Variants in ENPP5 observed in about 807,000 individuals in gnomAD.
ENPP5 encodes ectonucleotide pyrophosphatase/phosphodiesterase family member 5, also known as E-NPP 5.
A neutral mutation model predicts 33.7 loss-of-function variants in ENPP5; 27 were observed. The ratio of observed to expected loss-of-function variants is 0.80; its 90% confidence interval spans 0.59 to 1.11. ENPP5 has a LOEUF of 1.11. Ranked by LOEUF, ENPP5 falls within the 50% of genes least tolerant of loss-of-function variation. The probability of loss-of-function intolerance (pLI) is 0.00; values close to 1 mark genes in which losing one functional copy is unlikely to be tolerated. For synonymous variants in ENPP5, 199 were observed against 200.5 expected, an observed-to-expected ratio of 0.99 and a Z score of 0.06; for missense variants, 552 against 579.2, an observed-to-expected ratio of 0.95 and a Z score of 0.48.
At chr6:46,164,676 T>C (rs1764482593) in intron 4 of ENPP5, among the ~76,000 whole-genome samples, 1 of 151,242 alleles carries the variant, frequency 6.6e-6, no homozygotes, top group Non-Finnish European at 1.5e-5. Flanking sequence ...GCACAAGACA[T>C]AAAAATATGA....
chr6:46,170,568 A>G (rs1209582403), intron 1 of ENPP5, among the ~76,000 whole-genome samples: 1 of 151,862 alleles, frequency 6.6e-6, no homozygotes, highest in Non-Finnish European at 1.5e-5. Context: ...GTGCAGAAGG[A>G]GTAGGTTTGT....
chr6:46,166,116 C>T (rs919982972), intron 3 of ENPP5, among the ~76,000 whole-genome samples: 9 of 152,052 alleles, frequency 5.9e-5, no homozygotes, highest in Non-Finnish European at 8.8e-5. Flanking sequence ...TCTTCTGCAC[C>T]GCAACAAGAG....
At chr6:46,168,971 ATAAT>A (rs775036150) in intron 2 of ENPP5, among the ~76,000 whole-genome samples, 35 of 127,754 alleles carry the variant, frequency 2.7e-4, no homozygotes, top group Admixed American at 7.5e-4. Flanking sequence ...GTTGAACTAA[ATAAT>A]TAGATTCTAA....
In ENPP5 at chr6:46,160,109, C is replaced by G. The variant is rs1048151157; in HGVS notation, c.*1217G>C. The G allele has an allele frequency of 2.6e-5, 4 of 152,168 alleles. No homozygotes were observed. Among genetic ancestry groups the G allele is most frequent in the African/African-American group, 7.2e-5 (3 of 41,436 alleles). The allele number at this position is 152,168 out of a possible 1,614,324, so 9.4% of individuals were successfully genotyped here. A position where few individuals can be genotyped will look rare whatever the true frequency, so the allele number is the denominator to read the frequency against. On this transcript the variant is annotated 3_prime_UTR_variant, in exon 5 of 5. Transcript: ENST00000371383. ...GTGGGTATTCACATATTTCTTGAAACAGAGCTATATCATCTCGGCTCCCGT... is the reference window on the plus strand; with the variant it reads ...GTGGGTATTCACATATTTCTTGAAAGAGAGCTATATCATCTCGGCTCCCGT...
chr6:46,165,330 T>A, intron 4 of ENPP5, 57 bp downstream of exon 4: 1 of 1,305,900 alleles, frequency 7.7e-7, no homozygotes, highest in Non-Finnish European at 1.0e-6. Context: ...GTATTTAAAC[T>A]GTTGTATTTT....
At chr6:46,168,401 T>G in intron 2 of ENPP5, 104 bp from the exon 3 acceptor site, 1 of 511,238 alleles carries the variant, frequency 2.0e-6, no homozygotes, top group Non-Finnish European at 3.4e-6. Context: ...TATTCATAAA[T>G]CACAGCCTGG....
chr6:46,169,944 T>C (rs1194963685), intron 2 of ENPP5, 109 bp downstream of exon 2: 4 of 152,118 alleles, frequency 2.6e-5, no homozygotes, highest in African/African-American at 9.7e-5. Context: ...AAATGTCATA[T>C]TTAAAAACGA....
rs915915689 is a variant in ENPP5, at chr6:46,165,430, A to C, written c.963T>G (p.Asp321Glu). The change falls in exon 4 of 5, where the codon GAT (aspartate) becomes GAG (glutamate). Residue 321 changes from aspartate (D) to glutamate (E), a missense_variant. Transcript: ENST00000371383. ...SRIQPIIAVADEGWHILQNKS... is the reference protein window; with the variant it reads ...SRIQPIIAVAEEGWHILQNKS... ...TATTCTGTAAAATGTGCCACCCTTC[A>C]TCAGCCACTGCTATGATTGGTTGAA... 3.1e-6 allele frequency: 5 copies of C among 1,600,650 alleles called. No individual in the cohort carries two copies. In the African/African-American group the frequency reaches 6.7e-5, roughly 22 times the overall value.
intron 4 of ENPP5, among the ~76,000 whole-genome samples, chr6:46,162,323 T>C (rs1469104666): frequency 1.3e-5 from 2 of 152,210 alleles, no homozygotes; most frequent in African/African-American, 4.8e-5. Flanking sequence ...AAACTCCTGA[T>C]TTTGGTAGCT....
Position 46,161,463 on chromosome 6 carries a change from A to C in ENPP5, c.1297T>G (p.Tyr433Asp). 3 of 1,614,024 alleles carry C rather than the reference A, an allele frequency of 1.9e-6. No homozygotes were observed. Among genetic ancestry groups the C allele is most frequent in the Non-Finnish European group, 2.5e-6 (3 of 1,179,882 alleles). ...AEYDQEGSYP[Y>D]FIGVSLGSII... ...CTGCCAAGAGAGACCCCTATGAAAT[A>C]AGGGTATGACCCCTCTTGGTCATAT... Residue 433 changes from tyrosine (Y) to aspartate (D), a missense_variant, in exon 5 of 5, where the codon TAT (tyrosine) becomes GAT (aspartate). By Grantham distance (160) the Tyr-to-Asp change is radical. Coordinates refer to ENST00000371383, the MANE Select transcript of ENPP5 (RefSeq NM_001290072.2).
chr6:46,162,862 C>T (rs1194559419), intron 4 of ENPP5, among the ~76,000 whole-genome samples: 3 of 152,212 alleles, frequency 2.0e-5, no homozygotes, highest in Non-Finnish European at 4.4e-5. Context: ...AATTGATAGT[C>T]GCACTGGGAA....
intron 4 of ENPP5, among the ~76,000 whole-genome samples, chr6:46,162,632 G>A (rs9472708): frequency 0.44 from 66,746 of 151,796 alleles, 16,076 homozygotes; most frequent in South Asian, 0.68. Flanking sequence ...CAATAGGAAC[G>A]CTCCCTGCCC....
At chr6:46,162,144 A>G (rs923438452) in intron 4 of ENPP5, among the ~76,000 whole-genome samples, 2 of 152,246 alleles carry the variant, frequency 1.3e-5, no homozygotes, top group Admixed American at 1.3e-4. Flanking sequence ...CTAAAGATAA[A>G]GAGATAAAGG....
Position 46,168,365 on chromosome 6 carries a change from G to A in ENPP5, c.-35-68C>T, listed in dbSNP as rs1244701841. 9.2e-6 allele frequency: 6 copies of A among 655,048 alleles called. No individual in the cohort carries two copies. The African/African-American group carries it at 1.1e-4, about 12-fold the overall frequency. The allele number at this position is 655,048 out of a possible 1,614,324, so 40.6% of individuals were successfully genotyped here. Reference sequence around the variant, plus strand: ...TTGTATACTTTACCCCAAACTCAGAGTAACAGTGCTTAGCAATCCTAGTTA... The same window carrying A: ...TTGTATACTTTACCCCAAACTCAGAATAACAGTGCTTAGCAATCCTAGTTA... On this transcript the variant is annotated intron_variant, in intron 2 of 4. Transcript: ENST00000371383.
chr6:46,164,708 T>C (rs979858159), intron 4 of ENPP5, among the ~76,000 whole-genome samples: 2 of 151,658 alleles, frequency 1.3e-5, no homozygotes, highest in Non-Finnish European at 2.9e-5. Context: ...TGGATCATTA[T>C]CTGTATGTAA....
intron 4 of ENPP5, among the ~76,000 whole-genome samples, chr6:46,164,661 T>TAAG (rs1764481813): frequency 6.6e-6 from 1 of 151,940 alleles, no homozygotes; most frequent in Admixed American, 6.6e-5. Flanking sequence ...ACATAAGAGC[T>TAAG]ACCTGCACAA....
In ENPP5 at chr6:46,165,496, T is replaced by C. The variant is rs778573422; in HGVS notation, c.897A>G (p.Glu299=). Reference sequence around the variant, plus strand: ...TGTAATGCCACCTTTCTGGAACGTCTTCTTTTTTGTAAACAGTAAGATTAG... The same window carrying C: ...TGTAATGCCACCTTTCTGGAACGTCCTCTTTTTTGTAAACAGTAAGATTAG... The part of the protein sequence containing the change: ...AHPNLTVYKK[E]DVPERWHYKY... The change falls in exon 4 of 5, where the codon GAA becomes GAG. Residue 299 remains glutamate (E), a synonymous_variant. Transcript: ENST00000371383. 39 of 1,611,622 alleles carry C rather than the reference T, an allele frequency of 2.4e-5. 1 individual carries two copies. The highest frequency in any genetic ancestry group is 4.4e-5 in the South Asian group (4 of 90,526).
intron 4 of ENPP5, 102 bp downstream of exon 4, chr6:46,165,285 C>G (rs925902535): frequency 1.5e-5 from 13 of 885,456 alleles, no homozygotes; most frequent in Middle Eastern, 2.9e-4. Context: ...AAGTAACAGA[C>G]AGTAAAAATA....
At position 46,160,142 on chromosome 6, in the gene ENPP5, T is replaced by C. The variant is rs1410363707; in HGVS notation, c.*1184A>G. ...TATCATCTCGGCTCCCGTGTTTTGA[T>C]ACCTGTTACCACAAAGAGTTATTTT... On this transcript the variant is annotated 3_prime_UTR_variant, in exon 5 of 5. Coordinates refer to ENST00000371383, the MANE Select transcript of ENPP5 (RefSeq NM_001290072.2). 2 of 152,258 alleles carry C rather than the reference T, an allele frequency of 1.3e-5. No individual in the cohort carries two copies. The highest frequency in any genetic ancestry group is 3.8e-4 in the East Asian group (2 of 5,204). The allele number at this position is 152,258 out of a possible 1,614,324, so 9.4% of individuals were successfully genotyped here. A position where few individuals can be genotyped will look rare whatever the true frequency, so the allele number is the denominator to read the frequency against.
Sources: allele counts gnomAD v4.1 joint callset (sites outside exome capture counted in the v4.1 genomes callset), GRCh38; gene constraint gnomAD v4.1.1; transcripts MANE v1.5; gene names NCBI Gene and HGNC (gene_info 2026-07-23, HGNC 2026-07-21).